The following LARGE1 variants were observed in gnomAD, a reference collection of about 807,000 sequenced individuals.
LARGE1 encodes LARGE xylosyl- and glucuronyltransferase 1.
In LARGE1, 43 loss-of-function variants were observed where a neutral mutation model predicts 87.6. That is an observed-to-expected ratio of 0.49 (90% confidence interval 0.38 to 0.63). The LOEUF (loss-of-function observed/expected upper bound fraction) is 0.63, where lower values mean the gene tolerates loss of function less well. LARGE1 is among the 30% of genes least tolerant of loss of function. The probability of loss-of-function intolerance (pLI) is 0.00; values close to 1 mark genes in which losing one functional copy is unlikely to be tolerated. For missense variants in LARGE1, 802 were observed against 1,000.2 expected (o/e 0.80, Z 2.67); for synonymous variants, 434 against 394.6 (o/e 1.10, Z -1.18).
chr22:33,395,226 C>CAAAAAAAAAAAAA (rs3071528), intron 7 of LARGE1, among the ~76,000 whole-genome samples: 2 of 61,640 alleles, frequency 3.2e-5, no homozygotes, highest in African/African-American at 6.1e-5. Flanking sequence ...GACTCTGCCT[C>CAAAAAAAAAAAAA]AAAAAAAAAA....
At chr22:33,702,199 A>G (rs1393216436) in intron 2 of LARGE1, among the ~76,000 whole-genome samples, 2 of 152,230 alleles carry the variant, frequency 1.3e-5, no homozygotes, top group Non-Finnish European at 2.9e-5. Context: ...TACATGCACT[A>G]AGACCTTGCA....
chr22:33,849,789 C>T (rs1007780073), intron 1 of LARGE1, among the ~76,000 whole-genome samples: 2 of 151,880 alleles, frequency 1.3e-5, no homozygotes, highest in Admixed American at 6.6e-5. Context: ...TAACTACAGA[C>T]GGGGTTTCAC....
intron 11 of LARGE1, among the ~76,000 whole-genome samples, chr22:33,183,601 A>AACACACACACACACGCACGCACACAC (rs1923289339): frequency 9.6e-6 from 1 of 104,208 alleles, no homozygotes; most frequent in African/African-American, 3.7e-5. Context: ...TGATGGATAA[A>AACACACACACACACGCACGCACACAC]ACACACACAC....
At chr22:33,509,618 T>G (rs1265646337) in intron 6 of LARGE1, among the ~76,000 whole-genome samples, 1 of 152,106 alleles carries the variant, frequency 6.6e-6, no homozygotes, top group Non-Finnish European at 1.5e-5. Context: ...ACCCAGCTAA[T>G]TTTTAAATTT....
At chr22:33,617,677 C>G (rs979262959) in intron 4 of LARGE1, among the ~76,000 whole-genome samples, 1 of 152,204 alleles carries the variant, frequency 6.6e-6, no homozygotes, top group African/African-American at 2.4e-5. Flanking sequence ...TCCCACATAG[C>G]ATGCCTGGGT....
At chr22:33,802,963 G>T (rs1191827455) in intron 1 of LARGE1, among the ~76,000 whole-genome samples, 1 of 152,166 alleles carries the variant, frequency 6.6e-6, no homozygotes, top group Non-Finnish European at 1.5e-5. Context: ...CAGATAGATG[G>T]GTGGGTGAGT....
chr22:33,536,457 C>A (rs1241985814), intron 6 of LARGE1, among the ~76,000 whole-genome samples: 1 of 152,190 alleles, frequency 6.6e-6, no homozygotes, highest in Non-Finnish European at 1.5e-5. Flanking sequence ...GTGCTGAGCA[C>A]CCTGCTATGC....
At position 33,416,753 on chromosome 22, in the gene LARGE1, G is replaced by T. The variant is rs535614930; in HGVS notation, c.892+15408C>A. On this transcript the variant is annotated intron_variant, in intron 7 of 14. Transcript: ENST00000397394. Reference sequence around the variant, plus strand: ...AGAGTAGCTGGGATTACAGGCACCCGCCACCAGCCCGGCTAATTTTTTGTA... The same window carrying T: ...AGAGTAGCTGGGATTACAGGCACCCTCCACCAGCCCGGCTAATTTTTTGTA... 1.4e-4 allele frequency among the ~76,000 whole-genome samples: 22 copies of T among 151,830 alleles called. No homozygotes were observed. The South Asian group carries it at 4.4e-3, about 30-fold the overall frequency.
intron 2 of LARGE1, among the ~76,000 whole-genome samples, chr22:33,745,012 C>A (rs2084027291): frequency 6.6e-6 from 1 of 152,148 alleles, no homozygotes; most frequent in Non-Finnish European, 1.5e-5. Context: ...ACGGCAAAGC[C>A]CCACCAAGTG....
At chr22:33,435,544 C>T (rs1274116867) in intron 6 of LARGE1, among the ~76,000 whole-genome samples, 1 of 152,120 alleles carries the variant, frequency 6.6e-6, no homozygotes, top group Non-Finnish European at 1.5e-5. Flanking sequence ...TCATTTCACC[C>T]TCTCTGTAGT....
chr22:33,858,808 T>C (rs926211750), intron 1 of LARGE1, among the ~76,000 whole-genome samples: 2 of 152,226 alleles, frequency 1.3e-5, no homozygotes, highest in Non-Finnish European at 2.9e-5. Context: ...ATGCCAATGA[T>C]AAGCTAGATA....
At chr22:33,257,952 TG>T (rs1483247913) in intron 11 of LARGE1, among the ~76,000 whole-genome samples, 1 of 150,618 alleles carries the variant, frequency 6.6e-6, no homozygotes, top group African/African-American at 2.4e-5. Context: ...CAGTGACCCA[TG>T]TTAGGAAGGA....
intron 1 of LARGE1, among the ~76,000 whole-genome samples, chr22:33,910,885 G>A (rs996616737): frequency 1.3e-5 from 2 of 152,170 alleles, no homozygotes; most frequent in African/African-American, 4.8e-5. Flanking sequence ...GAAATACAGC[G>A]AGGTCAGAGA....
intron 6 of LARGE1, among the ~76,000 whole-genome samples, chr22:33,463,641 A>G (rs1439615673): frequency 6.6e-6 from 1 of 152,192 alleles, no homozygotes; most frequent in Admixed American, 6.5e-5. Context: ...ATATATGGTT[A>G]AGAACAGCCA....
At chr22:33,442,243 T>C (rs1290450716) in intron 6 of LARGE1, among the ~76,000 whole-genome samples, 2 of 152,194 alleles carry the variant, frequency 1.3e-5, no homozygotes, top group Non-Finnish European at 1.5e-5. Flanking sequence ...TCAGCCCTCA[T>C]CCAGCAGGTA....
chr22:33,831,643 A>G (rs1453997805), intron 1 of LARGE1, among the ~76,000 whole-genome samples: 1 of 152,182 alleles, frequency 6.6e-6, no homozygotes, highest in Non-Finnish European at 1.5e-5. Flanking sequence ...TTAAAAAAAG[A>G]TAACTGGACA....
At position 33,181,534 on chromosome 22, in the gene LARGE1, CT is replaced by C. The variant is rs137369; in HGVS notation, c.1731-14703del. On this transcript the variant is annotated intron_variant, in intron 11 of 11. Coordinates refer to the LARGE1 transcript ENST00000608642. Reference sequence around the variant, plus strand: ...TGTTAGGCTATTAGGCTACATTACTCTTTTTTTTTTTTTGAAATGTAGTCTC... The same window carrying C: ...TGTTAGGCTATTAGGCTACATTACTCTTTTTTTTTTTTGAAATGTAGTCTC... Among the ~76,000 whole-genome samples the C allele has an allele frequency of 9.3e-4, 136 of 145,944 alleles. 1 individual carries two copies. The highest frequency in any genetic ancestry group is 7.0e-3 in the Middle Eastern group (2 of 284).
chr22:33,851,177 C>A (rs911027858), intron 1 of LARGE1, among the ~76,000 whole-genome samples: 1 of 152,176 alleles, frequency 6.6e-6, no homozygotes, highest in African/African-American at 2.4e-5. Context: ...GATTACTGAC[C>A]CTGTTTTTTA....
intron 6 of LARGE1, among the ~76,000 whole-genome samples, chr22:33,441,091 T>TTTTTTTTTTTTTTTTTGTG (rs2067457012): frequency 7.0e-6 from 1 of 143,466 alleles, no homozygotes; most frequent in African/African-American, 2.7e-5. Context: ...TTTTTTTTTT[T>TTTTTTTTTTTTTTTTTGTG]GAGAGGGAGT....
Sources: gnomAD v4.1 joint callset for allele counts (sites outside exome capture counted in the v4.1 genomes callset) on GRCh38, gnomAD v4.1.1 for gene constraint, MANE v1.5 for transcripts, NCBI Gene and HGNC (gene_info 2026-07-23, HGNC 2026-07-21) for gene names.